The following DLGAP1 variants were observed in gnomAD, a reference collection of about 807,000 sequenced individuals.
DLGAP1 encodes disks large-associated protein 1.
Under a neutral mutation model 90.8 loss-of-function variants are expected in DLGAP1, and 11 were observed. That is an observed-to-expected ratio of 0.12 (90% confidence interval 0.08 to 0.20). The LOEUF (loss-of-function observed/expected upper bound fraction) is 0.20. Among genes scored for constraint, DLGAP1 ranks in the 10% least tolerant of loss-of-function variants. DLGAP1 has a pLI of 1.00. For missense variants in DLGAP1, 1,050 were observed against 1,333.8 expected (o/e 0.79, Z 3.31); for synonymous variants, 558 against 540.7 (o/e 1.03, Z -0.44).
At chr18:3,699,051 T>C (rs554774529) in intron 7 of DLGAP1, among the ~76,000 whole-genome samples, 1 of 152,244 alleles carries the variant, frequency 6.6e-6, no homozygotes, top group South Asian at 2.1e-4. Context: ...TCTAACCTTT[T>C]TTCAAGGTTC....
intron 7 of DLGAP1, chr18:3,593,927 C>G (rs1468078676): frequency 6.6e-6 from 1 of 151,416 alleles, no homozygotes; most frequent in African/African-American, 2.4e-5. Context: ...AAAACTTGGG[C>G]TTCCTGAGTG....
chr18:3,575,893 AGT>A (rs2055095294), intron 8 of DLGAP1, among the ~76,000 whole-genome samples: 1 of 152,176 alleles, frequency 6.6e-6, no homozygotes, highest in Non-Finnish European at 1.5e-5. Flanking sequence ...CTAGAAGCAG[AGT>A]GCCACAAGGT....
chr18:3,573,428 G>T (rs1190099279), intron 8 of DLGAP1, among the ~76,000 whole-genome samples: 2 of 152,138 alleles, frequency 1.3e-5, no homozygotes, highest in Non-Finnish European at 2.9e-5. Context: ...CTTGAACCCA[G>T]GAGATGGAAG....
At chr18:3,883,669 A>G (rs1284171365) in intron 3 of DLGAP1, among the ~76,000 whole-genome samples, 5 of 152,244 alleles carry the variant, frequency 3.3e-5, no homozygotes, top group African/African-American at 4.8e-5. Context: ...GTGTGATTCA[A>G]GTAGCATCTG....
chr18:3,876,026 A>G (rs1486860833), intron 4 of DLGAP1, among the ~76,000 whole-genome samples: 2 of 61,808 alleles, frequency 3.2e-5, no homozygotes, highest in African/African-American at 9.0e-5. Flanking sequence ...AATAGAGCTG[A>G]AAAAAAAAAA....
chr18:3,611,377 T>C, intron 7 of DLGAP1, among the ~76,000 whole-genome samples: 1 of 152,078 alleles, frequency 6.6e-6, no homozygotes, highest in East Asian at 1.9e-4. Context: ...GTCGGGGCAG[T>C]GCAAAGTTGC....
chr18:4,045,432 C>CAAAAAAAAGA (rs2075036104), intron 2 of DLGAP1, among the ~76,000 whole-genome samples: 1 of 29,190 alleles, frequency 3.4e-5, no homozygotes. Context: ...CCCATCTCTA[C>CAAAAAAAAGA]AAAAAAAAAA....
At chr18:4,393,839 A>C (rs2082386159) in intron 1 of DLGAP1, among the ~76,000 whole-genome samples, 1 of 152,138 alleles carries the variant, frequency 6.6e-6, no homozygotes, top group African/African-American at 2.4e-5. Flanking sequence ...TTCTCATAAG[A>C]AGCGTTCAAC....
chr18:4,092,331 T>C (rs1011250807), intron 2 of DLGAP1, among the ~76,000 whole-genome samples: 5 of 152,158 alleles, frequency 3.3e-5, no homozygotes, highest in Non-Finnish European at 7.3e-5. Flanking sequence ...AGGTTTTCCA[T>C]TGTCCTGGCC....
Position 4,454,812 on chromosome 18 carries a change from GGAGTGCACCCC to G in DLGAP1, c.-267+183_-267+193del, listed in dbSNP as rs1298147627. Among the ~76,000 whole-genome samples, 2 of 151,884 alleles carry G rather than the reference GGAGTGCACCCC, an allele frequency of 1.3e-5. No homozygotes were observed. Among genetic ancestry groups the G allele is most frequent in the East Asian group, 3.9e-4 (2 of 5,110 alleles). Reference sequence around the variant, plus strand: ...GATCCCAGGTTACCCGGAGGGCCCGGGAGTGCACCCCGGGCGGCTGAAAGGGTAAGGAGCGC... The same window carrying G: ...GATCCCAGGTTACCCGGAGGGCCCGGGGGCGGCTGAAAGGGTAAGGAGCGC... On this transcript the variant is annotated intron_variant, in intron 1 of 12. Transcript: ENST00000315677. This position sits in a 1 kb window ranked among gnomAD's most constrained non-coding sequence, Gnocchi z 4.7.
chr18:3,534,594 G>C lies in DLGAP1; in HGVS notation c.2079C>G (p.Ser693=). 1.3e-6 allele frequency: 2 copies of C among 1,585,944 alleles called. No homozygotes were observed. The highest frequency in any genetic ancestry group is 8.6e-7 in the Non-Finnish European group (1 of 1,165,172). Residue 693 remains serine (S), a synonymous_variant, in exon 10 of 13, where the codon TCC becomes TCG. Coordinates refer to ENST00000315677, the MANE Select transcript of DLGAP1 (RefSeq NM_004746.4). Reference sequence around the variant, plus strand: ...CCTGTACTGCTGTCGTCACACTGTTGGATCGAGTGAACCTGCGGAAGCTTG... The same window carrying C: ...CCTGTACTGCTGTCGTCACACTGTTCGATCGAGTGAACCTGCGGAAGCTTG... ...EEKCFRRFTR[S]NSVTTAVQAD...
chr18:4,102,491 TTGAGCACCTA>T (rs1274002207), intron 2 of DLGAP1, among the ~76,000 whole-genome samples: 1 of 152,154 alleles, frequency 6.6e-6, no homozygotes, highest in Non-Finnish European at 1.5e-5. Context: ...GAAAAAGCCC[TTGAGCACCTA>T]TGAGAAGACT....
At chr18:4,151,695 A>G (rs891471807) in intron 1 of DLGAP1, among the ~76,000 whole-genome samples, 22 of 152,346 alleles carry the variant, frequency 1.4e-4, no homozygotes, top group South Asian at 4.1e-4. Context: ...GTGACTTTAA[A>G]AAGGGCTAAA....
At chr18:4,388,212 G>C (rs1039737388) in intron 1 of DLGAP1, among the ~76,000 whole-genome samples, 4 of 152,006 alleles carry the variant, frequency 2.6e-5, no homozygotes, top group African/African-American at 4.8e-5. Flanking sequence ...AAATGCAGCA[G>C]ACAGGACACA....
At chr18:4,043,592 A>C (rs1216470182) in intron 2 of DLGAP1, among the ~76,000 whole-genome samples, 3 of 152,180 alleles carry the variant, frequency 2.0e-5, no homozygotes, top group Middle Eastern at 3.2e-3. Context: ...TGAAGACTGC[A>C]TTGAAAAGAC....
rs1221768146 is a variant in DLGAP1, at chr18:3,556,437, C to G, written c.2057+11053G>C. Among the ~76,000 whole-genome samples the G allele has an allele frequency of 3.3e-5, 5 of 152,310 alleles. No homozygotes were observed. In the East Asian group the frequency reaches 9.6e-4, roughly 29 times the overall value. ...CCTATTCATACCTCCTTCCTCCTAA[C>G]CCCTGGCAACTAGTCATCTTTTTAC... On this transcript the variant is annotated intron_variant, in intron 9 of 12. Coordinates refer to ENST00000315677, the MANE Select transcript of DLGAP1 (RefSeq NM_004746.4).
chr18:3,701,616 G>T (rs1045304783), intron 7 of DLGAP1, among the ~76,000 whole-genome samples: 1 of 152,212 alleles, frequency 6.6e-6, no homozygotes, highest in Non-Finnish European at 1.5e-5. Context: ...AGAGAATATG[G>T]CCAAGGAGTC....
intron 7 of DLGAP1, chr18:3,607,872 AAG>A (rs2057397312): frequency 6.6e-6 from 1 of 152,298 alleles, no homozygotes; most frequent in African/African-American, 2.4e-5. Flanking sequence ...CTACCAGACA[AAG>A]AGATGAGAAG....
chr18:4,233,361 A>G (rs1229562288), intron 1 of DLGAP1, among the ~76,000 whole-genome samples: 2 of 152,214 alleles, frequency 1.3e-5, no homozygotes, highest in Admixed American at 6.5e-5. Flanking sequence ...TACATTTTAA[A>G]GCTTACTGGT....
Sources: gnomAD v4.1 joint callset for allele counts (sites outside exome capture counted in the v4.1 genomes callset) on GRCh38, gnomAD v4.1.1 for gene constraint, Gnocchi (gnomAD v3.1) non-coding constraint, MANE v1.5 for transcripts, NCBI Gene and HGNC (gene_info 2026-07-23, HGNC 2026-07-21) for gene names.